Variants in ZCCHC2 observed in about 807,000 individuals in gnomAD.
ZCCHC2 encodes zinc finger CCHC domain-containing protein 2.
Under a neutral mutation model 103.6 loss-of-function variants are expected in ZCCHC2, and 39 were observed. The observed-to-expected ratio is 0.38, with a 90% CI of 0.29 to 0.49. The LOEUF is 0.49. ZCCHC2 is among the 20% of genes least tolerant of loss of function. The pLI is 0.96. For synonymous variants in ZCCHC2, 687 were observed against 608.9 expected (o/e 1.13, Z -1.89); for missense variants, 1,483 against 1,491.0 (o/e 0.99, Z 0.09).
At chr18:62,563,856 A>C (rs942595659) in intron 9 of ZCCHC2, among the ~76,000 whole-genome samples, 1 of 152,094 alleles carries the variant, frequency 6.6e-6, no homozygotes, top group Non-Finnish European at 1.5e-5. Context: ...GTTTATTGAC[A>C]CTTCAGAATG....
chr18:62,583,880 G>T (rs987010423), intron 14 of ZCCHC2, among the ~76,000 whole-genome samples: 2 of 152,112 alleles, frequency 1.3e-5, no homozygotes, highest in African/African-American at 4.8e-5. Flanking sequence ...GTGTCAGCTC[G>T]GGGTGGAGGG....
rs534672765 is a variant in ZCCHC2 at position 62,549,858 on chromosome 18, C to T, written c.1201-490C>T. 4.6e-5 allele frequency among the ~76,000 whole-genome samples: 7 copies of T among 152,318 alleles called. No individual in the cohort carries two copies. The South Asian group carries it at 1.5e-3, about 32-fold the overall frequency. ...CTCATATTCAGTTCTTTATTTGCTT[C>T]ATAGCACTGGTGATCTGACATTGCC... is the stretch of plus-strand genomic sequence containing the variant. On this transcript the variant is annotated intron_variant, in intron 4 of 13. Transcript: ENST00000269499.
rs10503074 is a variant in ZCCHC2 at position 62,568,819 on chromosome 18, A to T, written c.1847-1284A>T. Reference sequence around the variant, plus strand: ...AATATTTATATGCAAGACTCATGCAAGTTCTATAGGTTTCATCATTAGTCC... The same window carrying T: ...AATATTTATATGCAAGACTCATGCATGTTCTATAGGTTTCATCATTAGTCC... On this transcript the variant is annotated intron_variant, in intron 11 of 13. Transcript: ENST00000269499. Among the ~76,000 whole-genome samples the T allele has an allele frequency of 6.6e-5, 10 of 152,166 alleles. No individual in the cohort carries two copies. In the East Asian group the frequency reaches 1.9e-3, roughly 29 times the overall value.
chr18:62,583,854 C>T (rs192684524), intron 14 of ZCCHC2, among the ~76,000 whole-genome samples: 143 of 152,190 alleles, frequency 9.4e-4, no homozygotes, highest in African/African-American at 3.2e-3. Context: ...TCTGGGGTCC[C>T]AGGGCTGAGA....
intron 4 of ZCCHC2, among the ~76,000 whole-genome samples, chr18:62,545,893 A>G (rs1213040306): frequency 6.6e-6 from 1 of 152,212 alleles, no homozygotes; most frequent in Non-Finnish European, 1.5e-5. Context: ...ATCAACTTGT[A>G]GAGCTTTGAA....
At chr18:62,539,535 C>A in intron 1 of ZCCHC2, 146 bp from the exon 2 acceptor site, 2 of 568,082 alleles carry the variant, frequency 3.5e-6, no homozygotes, top group Admixed American at 3.0e-5. Flanking sequence ...TCACACTGTG[C>A]CTTTGTGCCC....
chr18:62,565,535 T>C (rs1916325970), intron 11 of ZCCHC2, among the ~76,000 whole-genome samples: 1 of 152,224 alleles, frequency 6.6e-6, no homozygotes, highest in Non-Finnish European at 1.5e-5. Context: ...TATGAGGCTT[T>C]AGGGGAATGT....
intron 4 of ZCCHC2, among the ~76,000 whole-genome samples, chr18:62,548,353 A>G (rs982653767): frequency 2.0e-5 from 3 of 152,208 alleles, no homozygotes; most frequent in African/African-American, 7.2e-5. Flanking sequence ...CAGTTTGCTC[A>G]TACTGATGAC....
At chr18:62,564,865 G>A (rs559530824) in intron 10 of ZCCHC2, 137 bp from the exon 11 acceptor site, 7 of 717,180 alleles carry the variant, frequency 9.8e-6, no homozygotes, top group African/African-American at 1.8e-5. Context: ...CCACGGAAGG[G>A]CGAATCTTAA....
intron 11 of ZCCHC2, among the ~76,000 whole-genome samples, chr18:62,568,617 A>T (rs534920726): frequency 8.5e-5 from 13 of 152,332 alleles, no homozygotes; most frequent in African/African-American, 3.1e-4. Context: ...GCTTTTTTTA[A>T]AACATATTCT....
rs1914125997 is a variant in ZCCHC2 at position 62,523,246 on chromosome 18, ACCCCGCCGGCCGGCCACCGCCCC to A, written c.-176_-154del. The A allele has an allele frequency of 7.9e-6, 3 of 382,024 alleles. No homozygotes were observed. The highest frequency in any genetic ancestry group is 1.1e-5 in the Non-Finnish European group (3 of 282,840). 23.7% of individuals were successfully genotyped at this position (382,024 alleles called of 1,614,324 possible). The stretch of plus-strand genomic sequence containing the variant: ...CCAGCCCGGGAAGACGACGCCAGCG[ACCCCGCCGGCCGGCCACCGCCCC>A]CCTCGCCGGCCGAGACCCGCCCCCG... On this transcript the variant is annotated 5_prime_UTR_variant, in exon 1 of 14. Transcript: ENST00000269499.
intron 5 of ZCCHC2, among the ~76,000 whole-genome samples, chr18:62,551,015 G>A (rs1915641587): frequency 6.6e-6 from 1 of 152,216 alleles, no homozygotes; most frequent in Admixed American, 6.5e-5. Flanking sequence ...GGAAGAAATT[G>A]AAGACACAGG....
chr18:62,574,767 A>T lies in ZCCHC2; in HGVS notation c.2686A>T (p.Thr896Ser), dbSNP rs1916745644. 6.2e-7 allele frequency: 1 copy of T among 1,613,814 alleles called. No individual in the cohort carries two copies. The highest frequency in any genetic ancestry group is 1.1e-5 in the South Asian group (1 of 91,078). ...AAACACAGGGACAGTCCCTCAGCCT[A>T]CCAATGTGAAGGTAGTTCTTCCAGC... The part of the protein sequence containing the change: ...EGNTGTVPQP[T>S]NVKVVLPAAG... The change falls in exon 13 of 14, where the codon ACC becomes TCC. Residue 896 changes from threonine to serine, a missense_variant. Thr to Ser is a moderately conservative substitution (Grantham distance 58). Around this residue, in one of 3 missense-constraint regions of ZCCHC2, gnomAD observed 884 missense variants for 907.5 expected, o/e 0.97. Coordinates refer to ENST00000269499, the MANE Select transcript of ZCCHC2 (RefSeq NM_017742.6).
At chr18:62,555,603 G>C (rs1915851575) in intron 5 of ZCCHC2, among the ~76,000 whole-genome samples, 1 of 152,164 alleles carries the variant, frequency 6.6e-6, no homozygotes, top group South Asian at 2.1e-4. Context: ...GAGGTCAGGA[G>C]TTCGAGACTA....
chr18:62,543,255 C>G (rs1053071741), intron 3 of ZCCHC2, among the ~76,000 whole-genome samples: 18 of 152,232 alleles, frequency 1.2e-4, no homozygotes, highest in African/African-American at 4.1e-4. Context: ...TTTTGGCTGT[C>G]CCTCTCTCAT....
intron 4 of ZCCHC2, among the ~76,000 whole-genome samples, chr18:62,546,295 G>T (rs941052377): frequency 3.9e-5 from 6 of 152,304 alleles, no homozygotes; most frequent in African/African-American, 1.4e-4. Context: ...CTGCCAGGCA[G>T]TGCACCCCAT....
At chr18:62,566,389 C>G (rs1412806927) in intron 11 of ZCCHC2, among the ~76,000 whole-genome samples, 1 of 152,170 alleles carries the variant, frequency 6.6e-6, no homozygotes, top group African/African-American at 2.4e-5. Context: ...CTGAGGTTCC[C>G]TCTGGTGGCG....
In ZCCHC2 at chr18:62,570,114, G is replaced by C. The variant is rs1016880851; in HGVS notation, c.1858G>C (p.Asp620His). Reference sequence around the variant, plus strand: ...GTTGTTATTTTTAGATGTGAATTTGGACATTGGCTCTGGACATGACACATG... The same window carrying C: ...GTTGTTATTTTTAGATGTGAATTTGCACATTGGCTCTGGACATGACACATG... ...HGGTVKDVNL[D>H]IGSGHDTCGE... Residue 620 changes from aspartate (D) to histidine (H), a missense_variant, in exon 12 of 14, where the codon GAC (aspartate) becomes CAC (histidine). Coordinates refer to ENST00000269499, the MANE Select transcript of ZCCHC2 (RefSeq NM_017742.6). 4 of 1,601,426 alleles carry C rather than the reference G, an allele frequency of 2.5e-6. No individual in the cohort carries two copies. Among genetic ancestry groups the C allele is most frequent in the Non-Finnish European group, 3.4e-6 (4 of 1,174,246 alleles).
At chr18:62,558,825 G>T in intron 7 of ZCCHC2, 55 bp downstream of exon 7, 1 of 1,188,932 alleles carries the variant, frequency 8.4e-7, no homozygotes, top group East Asian at 2.6e-5. Context: ...CACATGGATA[G>T]AACATTTAAG....
Sources: gnomAD v4.1 joint callset for allele counts (sites outside exome capture counted in the v4.1 genomes callset) on GRCh38, gnomAD v4.1.1 for gene constraint, gnomAD v4.1.1 regional missense constraint, MANE v1.5 for transcripts, NCBI Gene and HGNC (gene_info 2026-07-23, HGNC 2026-07-21) for gene names.